DENND2B: variants seen among roughly 807,000 people sequenced by gnomAD.
DENND2B encodes DENN domain-containing protein 2B.
Under a neutral mutation model 116.0 loss-of-function variants are expected in DENND2B, and 32 were observed. The observed-to-expected ratio is 0.28, with a 90% CI of 0.21 to 0.37. The LOEUF (loss-of-function observed/expected upper bound fraction) is 0.37, where lower values mean the gene tolerates loss of function less well. DENND2B is among the 10% of genes least tolerant of loss of function. The pLI, the probability that DENND2B is intolerant of heterozygous loss-of-function variation, is 1.00. For synonymous variants in DENND2B, 588 were observed against 583.9 expected, an observed-to-expected ratio of 1.01 and a Z score of -0.10; for missense variants, 1,276 against 1,477.7, an observed-to-expected ratio of 0.86 and a Z score of 2.24.
chr11:8,699,447 C>T (rs1169445054), intron 14 of DENND2B, 57 bp from the exon 15 acceptor site: 36 of 1,510,364 alleles, frequency 2.4e-5, no homozygotes, highest in Admixed American at 8.2e-5. Context: ...ACTTAGAGCT[C>T]GCTGGAGGCT....
At chr11:8,740,075 A>T (rs536072883) in intron 2 of DENND2B, among the ~76,000 whole-genome samples, 27 of 152,142 alleles carry the variant, frequency 1.8e-4, no homozygotes, top group African/African-American at 6.5e-4. Context: ...CCGTGGTCCC[A>T]GCTACTCAAG....
At position 8,880,027 on chromosome 11, in the gene DENND2B, T is replaced by G. The variant is rs79296382; in HGVS notation, c.-156+983A>C. On this transcript the variant is annotated intron_variant, in intron 2 of 22. Transcript: ENST00000534127. Reference sequence around the variant, plus strand: ...TACCAATAGAATGGTGGTGGTAGTTTTCATGCATCTACTCTATTGCTAACT... The same window carrying G: ...TACCAATAGAATGGTGGTGGTAGTTGTCATGCATCTACTCTATTGCTAACT... Among the ~76,000 whole-genome samples the G allele has an allele frequency of 6.9e-3, 1,044 of 152,330 alleles. 6 individuals carry two copies. The highest frequency in any genetic ancestry group is 0.012 in the Non-Finnish European group (832 of 68,036).
intron 3 of DENND2B, among the ~76,000 whole-genome samples, chr11:8,728,383 T>G (rs1479915652): frequency 6.6e-6 from 1 of 152,188 alleles, no homozygotes; most frequent in Non-Finnish European, 1.5e-5. Context: ...CCATCTCTAC[T>G]CCTCATGGAA....
intron 3 of DENND2B, among the ~76,000 whole-genome samples, chr11:8,848,645 GA>G (rs2062892609): frequency 6.6e-6 from 1 of 152,138 alleles, no homozygotes; most frequent in Non-Finnish European, 1.5e-5. Flanking sequence ...TAATGTCCAG[GA>G]ATGGAGGAGA....
At chr11:8,731,860 A>G (rs773703802) in intron 2 of DENND2B, among the ~76,000 whole-genome samples, 1 of 152,294 alleles carries the variant, frequency 6.6e-6, no homozygotes, top group Non-Finnish European at 1.5e-5. Flanking sequence ...AAGAGATGCC[A>G]CTAATCAGCT....
At chr11:8,897,917 T>A (rs1197328263) in intron 1 of DENND2B, among the ~76,000 whole-genome samples, 3 of 152,148 alleles carry the variant, frequency 2.0e-5, no homozygotes, top group Non-Finnish European at 4.4e-5. Context: ...ACCACAGGCA[T>A]GCACCACCAT....
At chr11:8,881,952 T>G (rs2063908080) in intron 1 of DENND2B, among the ~76,000 whole-genome samples, 1 of 152,200 alleles carries the variant, frequency 6.6e-6, no homozygotes. Flanking sequence ...CCACTCTTTT[T>G]CACTGGCCTT....
chr11:8,732,607 G>A (rs1023195334), intron 2 of DENND2B, among the ~76,000 whole-genome samples: 3 of 151,530 alleles, frequency 2.0e-5, no homozygotes, highest in East Asian at 1.9e-4. Flanking sequence ...AACAAATAGT[G>A]TCTGGAAGGT....
chr11:8,729,944 C>T lies in DENND2B; in HGVS notation c.1340+6G>A. On this transcript the variant is annotated splice_donor_region_variant and intron_variant, in intron 3 of 19. Coordinates refer to ENST00000313726, the MANE Select transcript of DENND2B (RefSeq NM_213618.2). The stretch of plus-strand genomic sequence containing the variant: ...AGCTACAACACACCGGAGGGGCATG[C>T]ATTACCTGCTCTGGGACTTGCGGTG... 2 of 1,613,490 alleles carry T rather than the reference C, an allele frequency of 1.2e-6. No individual in the cohort carries two copies. The highest frequency in any genetic ancestry group is 2.2e-5 in the East Asian group (1 of 44,888).
At chr11:8,741,701 C>T (rs867562871) in intron 2 of DENND2B, among the ~76,000 whole-genome samples, 1 of 152,322 alleles carries the variant, frequency 6.6e-6, no homozygotes, top group Middle Eastern at 3.4e-3. Flanking sequence ...AAAAAATCAG[C>T]AGCTCCTAAT....
intron 4 of DENND2B, among the ~76,000 whole-genome samples, chr11:8,821,220 T>G (rs1406016781): frequency 6.6e-5 from 10 of 151,882 alleles, no homozygotes; most frequent in Admixed American, 5.2e-4. Flanking sequence ...CAATTTGTTC[T>G]AAGGAGAAAA....
intron 2 of DENND2B, among the ~76,000 whole-genome samples, chr11:8,744,929 T>TTA (rs1470818905): frequency 1.3e-5 from 2 of 151,208 alleles, no homozygotes; most frequent in African/African-American, 2.4e-5. Flanking sequence ...ACCTGATTTT[T>TTA]TTTTTTTTTT....
chr11:8,696,345 A>G, intron 18 of DENND2B, 82 bp downstream of exon 18: 1 of 1,555,612 alleles, frequency 6.4e-7, no homozygotes, highest in Middle Eastern at 1.7e-4. Context: ...CTGATGTCCA[A>G]GAGCTTCCAT....
intron 1 of DENND2B, among the ~76,000 whole-genome samples, chr11:8,887,253 C>G (rs1331833104): frequency 6.6e-6 from 1 of 152,086 alleles, no homozygotes; most frequent in Non-Finnish European, 1.5e-5. Flanking sequence ...TTTGCATTAT[C>G]TTCATTTTTT....
chr11:8,708,066 A>G, intron 11 of DENND2B: 1 of 1,480,226 alleles, frequency 6.8e-7, no homozygotes, highest in Non-Finnish European at 9.0e-7. Context: ...GTCTCCCAGC[A>G]CCAGGTACCA....
intron 3 of DENND2B, among the ~76,000 whole-genome samples, chr11:8,839,543 C>T (rs2062554189): frequency 6.6e-6 from 1 of 152,186 alleles, no homozygotes; most frequent in African/African-American, 2.4e-5. Flanking sequence ...CAGCTTTCTA[C>T]CCATGCTCAG....
upstream of DENND2B, chr11:8,811,190 T>G (rs1057178496): frequency 2.0e-5 from 8 of 398,104 alleles, no homozygotes; most frequent in African/African-American, 1.4e-4. Context: ...GGGCAGCAGT[T>G]GGGGCGGAAA....
At chr11:8,806,940 A>G (rs2060915746) in intron 1 of DENND2B, among the ~76,000 whole-genome samples, 1 of 145,156 alleles carries the variant, frequency 6.9e-6, no homozygotes, top group Admixed American at 6.9e-5. Flanking sequence ...TTTTCGCTCT[A>G]TGCCCTCCTG....
chr11:8,748,609 C>T (rs896349929), intron 2 of DENND2B, among the ~76,000 whole-genome samples: 9 of 150,324 alleles, frequency 6.0e-5, no homozygotes, highest in African/African-American at 2.3e-4. Flanking sequence ...AGCCAGGCTC[C>T]CAGGAAAGAA....
Sources: gnomAD v4.1 joint callset for allele counts (sites outside exome capture counted in the v4.1 genomes callset) on GRCh38, gnomAD v4.1.1 for gene constraint, MANE v1.5 for transcripts, NCBI Gene and HGNC (gene_info 2026-07-23, HGNC 2026-07-21) for gene names.